EXOC6B: variants seen among roughly 807,000 people sequenced by gnomAD.
The protein encoded by EXOC6B is SEC15 homolog B.
In EXOC6B, 54 loss-of-function variants were observed where a neutral mutation model predicts 113.5. The ratio of observed to expected loss-of-function variants is 0.48; its 90% CI spans 0.38 to 0.60. The LOEUF (loss-of-function observed/expected upper bound fraction) is 0.60. Among genes scored for constraint, EXOC6B ranks in the 20% least tolerant of loss-of-function variants. The pLI is 0.00. For missense variants in EXOC6B, 797 were observed against 977.5 expected (o/e 0.82, Z 2.46); for synonymous variants, 357 against 339.0 (o/e 1.05, Z -0.58).
At chr2:72,307,305 ATT>A (rs1013841643) in intron 20 of EXOC6B, among the ~76,000 whole-genome samples, 1 of 148,418 alleles carries the variant, frequency 6.7e-6, no homozygotes, top group African/African-American at 2.5e-5. Flanking sequence ...ACGTCCGGCT[ATT>A]TTTTTTTTCT....
intron 6 of EXOC6B, among the ~76,000 whole-genome samples, chr2:72,691,309 G>C (rs916437517): frequency 2.0e-5 from 3 of 151,998 alleles, no homozygotes; most frequent in Non-Finnish European, 2.9e-5. Context: ...CTGGATTTTA[G>C]ATTTCTAGAC....
chr2:72,434,291 C>T (rs1390544697), intron 18 of EXOC6B, among the ~76,000 whole-genome samples: 5 of 152,288 alleles, frequency 3.3e-5, no homozygotes, highest in Non-Finnish European at 7.4e-5. Flanking sequence ...TGATGGGCTG[C>T]TGGATTTGGT....
intron 20 of EXOC6B, among the ~76,000 whole-genome samples, chr2:72,268,909 T>C (rs1204518729): frequency 1.3e-5 from 2 of 152,176 alleles, no homozygotes; most frequent in East Asian, 3.9e-4. Flanking sequence ...TACAGAACAA[T>C]GAACCAATTA....
At chr2:72,686,713 T>C (rs1260242717) in intron 6 of EXOC6B, among the ~76,000 whole-genome samples, 7 of 152,240 alleles carry the variant, frequency 4.6e-5, no homozygotes, top group Admixed American at 4.6e-4. Context: ...ATTATTGGTA[T>C]GAGTCTTATT....
intron 6 of EXOC6B, among the ~76,000 whole-genome samples, chr2:72,717,787 T>C (rs1373426732): frequency 6.6e-6 from 1 of 152,142 alleles, no homozygotes; most frequent in Non-Finnish European, 1.5e-5. Flanking sequence ...GAAGGAGAAC[T>C]TTAAAATATC....
intron 20 of EXOC6B, among the ~76,000 whole-genome samples, chr2:72,285,888 C>T (rs1039761324): frequency 2.0e-5 from 3 of 152,178 alleles, no homozygotes; most frequent in East Asian, 3.9e-4. Context: ...ATTAAAAAGA[C>T]GATCCACATC....
At chr2:72,227,282 A>G (rs1681304436) in intron 20 of EXOC6B, among the ~76,000 whole-genome samples, 1 of 152,184 alleles carries the variant, frequency 6.6e-6, no homozygotes, top group Non-Finnish European at 1.5e-5. Flanking sequence ...GGAAAAACAC[A>G]TACTGAGCAA....
chr2:72,797,361 C>T (rs139244042), intron 1 of EXOC6B, among the ~76,000 whole-genome samples: 32 of 152,262 alleles, frequency 2.1e-4, no homozygotes, highest in African/African-American at 7.5e-4. Flanking sequence ...AGCTAAAGAA[C>T]TTCCTATTTT....
intron 11 of EXOC6B, among the ~76,000 whole-genome samples, chr2:72,501,197 G>A (rs550630427): frequency 1.1e-3 from 162 of 152,272 alleles, no homozygotes; most frequent in African/African-American, 3.8e-3. Context: ...ACATTAAAAT[G>A]TGATCTCCAG....
At chr2:72,613,717 G>A (rs1671214763) in intron 6 of EXOC6B, among the ~76,000 whole-genome samples, 1 of 150,374 alleles carries the variant, frequency 6.7e-6, no homozygotes, top group Admixed American at 6.6e-5. Context: ...AAAGACACTT[G>A]AATTTCATAT....
intron 11 of EXOC6B, among the ~76,000 whole-genome samples, chr2:72,502,570 A>G (rs1353685179): frequency 6.6e-6 from 1 of 152,198 alleles, no homozygotes; most frequent in Non-Finnish European, 1.5e-5. Context: ...AAAAATAAAT[A>G]CAGGATGGGT....
chr2:72,566,980 A>G (rs1271882843), intron 7 of EXOC6B, among the ~76,000 whole-genome samples: 1 of 152,094 alleles, frequency 6.6e-6, no homozygotes, highest in African/African-American at 2.4e-5. Context: ...GGGGATACAC[A>G]CAAAAACTAA....
chr2:72,330,027 G>T (rs780407427), intron 20 of EXOC6B, among the ~76,000 whole-genome samples: 1 of 152,006 alleles, frequency 6.6e-6, no homozygotes, highest in Admixed American at 6.6e-5. Flanking sequence ...TATGAGAGTC[G>T]TTGCCAGCAA....
At chr2:72,578,601 A>C (rs1207828025) in intron 6 of EXOC6B, among the ~76,000 whole-genome samples, 1 of 152,088 alleles carries the variant, frequency 6.6e-6, no homozygotes, top group African/African-American at 2.4e-5. Context: ...ACCTTCAGTC[A>C]AACACGTGTT....
intron 20 of EXOC6B, among the ~76,000 whole-genome samples, chr2:72,222,094 G>A (rs538424829): frequency 1.3e-5 from 2 of 152,314 alleles, no homozygotes; most frequent in South Asian, 4.1e-4. Flanking sequence ...GCTTCATGGA[G>A]AATTCACTAA....
At chr2:72,610,607 G>A (rs78860532) in intron 6 of EXOC6B, among the ~76,000 whole-genome samples, 2,912 of 152,200 alleles carry the variant, frequency 0.019, 45 homozygotes, top group Non-Finnish European at 0.03. Context: ...CAAAGTATAA[G>A]ATATTAGTGG....
chr2:72,423,334 G>A (rs537439760), intron 18 of EXOC6B, among the ~76,000 whole-genome samples: 1 of 152,076 alleles, frequency 6.6e-6, no homozygotes, highest in Non-Finnish European at 1.5e-5. Context: ...TCACCGCGAG[G>A]GTCCGTGGCT....
At chr2:72,724,602 A>C (rs1235690406) in intron 5 of EXOC6B, among the ~76,000 whole-genome samples, 1 of 152,166 alleles carries the variant, frequency 6.6e-6, no homozygotes, top group African/African-American at 2.4e-5. Context: ...ACCAGGAAAA[A>C]CAAAATCAAT....
At chr2:72,739,847 C>A (rs1431348312) in intron 2 of EXOC6B, among the ~76,000 whole-genome samples, 1 of 152,042 alleles carries the variant, frequency 6.6e-6, no homozygotes, top group Non-Finnish European at 1.5e-5. Context: ...AATATAATTT[C>A]TTAAGATGGC....
Sources: allele counts gnomAD v4.1 joint callset (sites outside exome capture counted in the v4.1 genomes callset), GRCh38; gene constraint gnomAD v4.1.1; transcripts MANE v1.5; gene names NCBI Gene and HGNC (gene_info 2026-07-23, HGNC 2026-07-21).